The following LRCH2 variants were observed in gnomAD, a reference collection of about 807,000 sequenced individuals.
LRCH2 encodes the protein leucine-rich repeat and calponin homology domain-containing protein 2.
A neutral mutation model predicts 68.9 loss-of-function variants in LRCH2; 38 were observed. The ratio of observed to expected loss-of-function variants is 0.55; its 90% CI spans 0.43 to 0.72. The LOEUF (loss-of-function observed/expected upper bound fraction) is 0.72. Among genes scored for constraint, LRCH2 ranks in the 30% least tolerant of loss-of-function variants. The pLI is 0.00. For missense variants in LRCH2, 528 were observed against 572.9 expected (o/e 0.92, Z 0.80); for synonymous variants, 191 against 208.1 (o/e 0.92, Z 0.71).
intron 14 of LRCH2, among the ~76,000 whole-genome samples, chrX:115,143,688 T>C (rs1420389307): frequency 2.7e-5 from 3 of 111,109 alleles, no homozygotes; most frequent in Non-Finnish European, 5.7e-5. Flanking sequence ...AATAGAAAAC[T>C]ACAGGCCAAA....
intron 12 of LRCH2, among the ~76,000 whole-genome samples, chrX:115,152,331 T>TA (rs1438693417): frequency 8.9e-6 from 1 of 111,953 alleles, no homozygotes; most frequent in Admixed American, 9.6e-5. Flanking sequence ...GTATGTATAA[T>TA]AATACAATAT....
chrX:115,218,284 C>T (rs1398500902), intron 1 of LRCH2, among the ~76,000 whole-genome samples: 2 of 112,002 alleles, frequency 1.8e-5, no homozygotes, highest in Non-Finnish European at 3.8e-5. Flanking sequence ...GTATCTTAAC[C>T]ATGTCTAGTA....
intron 15 of LRCH2, among the ~76,000 whole-genome samples, chrX:115,129,014 G>T (rs2072221392): frequency 8.9e-6 from 1 of 112,123 alleles, no homozygotes; most frequent in Non-Finnish European, 1.9e-5. Flanking sequence ...GAAAAAGTGG[G>T]TTTAGAAGCA....
At chrX:115,130,982 A>G (rs1237642739) in intron 14 of LRCH2, among the ~76,000 whole-genome samples, 1 of 111,362 alleles carries the variant, frequency 9.0e-6, no homozygotes, top group East Asian at 2.8e-4. Flanking sequence ...ACAACTCATG[A>G]CTGCCCTGTT....
At chrX:115,176,441 T>C (rs1263306309) in intron 5 of LRCH2, among the ~76,000 whole-genome samples, 9 of 112,057 alleles carry the variant, frequency 8.0e-5, no homozygotes, top group African/African-American at 2.9e-4. Flanking sequence ...TCTTTTCATA[T>C]AGCTGTTGGC....
rs1556544085 is a variant in LRCH2 at position 115,165,399 on chromosome X, G to T, written c.1355+6C>A. On this transcript the variant is annotated splice_donor_region_variant and intron_variant, in intron 10 of 20. Transcript: ENST00000317135. ...TAAATAACATTTCATTTTCATATGT[G>T]CTTACCTTTTTTCATCTCCTAATTC... 1 of 1,106,675 alleles carries T rather than the reference G, an allele frequency of 9.0e-7. No homozygotes were observed. The highest frequency in any genetic ancestry group is 1.2e-6 in the Non-Finnish European group (1 of 824,501). 91.2% of individuals were successfully genotyped at this position (1,106,675 alleles called of 1,213,427 possible). A position where few individuals can be genotyped will look rare whatever the true frequency, so the allele number is the denominator to read the frequency against.
intron 15 of LRCH2, among the ~76,000 whole-genome samples, chrX:115,127,876 T>C (rs1357490348): frequency 9.0e-6 from 1 of 111,173 alleles, no homozygotes; most frequent in Non-Finnish European, 1.9e-5. Flanking sequence ...AAGAGCAAGT[T>C]GTGAATTAAG....
intron 1 of LRCH2, chrX:115,189,609 C>G (rs1556556208): frequency 8.5e-7 from 1 of 1,169,668 alleles, no homozygotes. Flanking sequence ...TCGTCACCTT[C>G]GAAAGCCCTG....
At chrX:115,136,908 T>C (rs1253921530) in intron 14 of LRCH2, among the ~76,000 whole-genome samples, 3 of 112,050 alleles carry the variant, frequency 2.7e-5, no homozygotes, top group Non-Finnish European at 5.6e-5. Flanking sequence ...TCTCACATTG[T>C]CTGATAATTA....
At chrX:115,159,631 G>T (rs1247593594) in intron 11 of LRCH2, among the ~76,000 whole-genome samples, 154 of 107,911 alleles carry the variant, frequency 1.4e-3, no homozygotes, top group Non-Finnish European at 2.5e-3. Flanking sequence ...GGCGCCTGTA[G>T]TCCCAGCTAC....
intron 12 of LRCH2, 67 bp downstream of exon 12, chrX:115,156,535 A>C (rs782197556): frequency 4.3e-6 from 3 of 692,437 alleles, no homozygotes; most frequent in Admixed American, 7.8e-5. Flanking sequence ...ATATACAAAA[A>C]CATCACTGTC....
At chrX:115,218,778 G>A (rs1030152525) in intron 1 of LRCH2, among the ~76,000 whole-genome samples, 5 of 111,940 alleles carry the variant, frequency 4.5e-5, no homozygotes, top group Admixed American at 3.8e-4. Flanking sequence ...ATTCTGTATC[G>A]GGGCTGTGAG....
chrX:115,158,112 T>C (rs2072490010), intron 11 of LRCH2, among the ~76,000 whole-genome samples: 1 of 111,837 alleles, frequency 8.9e-6, no homozygotes, highest in African/African-American at 3.2e-5. Context: ...TACTAGTACT[T>C]ATTTTAAGTA....
chrX:115,185,060 G>T (rs782205871), intron 2 of LRCH2, among the ~76,000 whole-genome samples: 2 of 112,426 alleles, frequency 1.8e-5, no homozygotes, highest in South Asian at 3.7e-4. Context: ...AAAACATGTA[G>T]TAACCCTAAC....
intron 5 of LRCH2, among the ~76,000 whole-genome samples, chrX:115,170,875 A>C (rs1432605713): frequency 2.7e-5 from 3 of 111,967 alleles, no homozygotes; most frequent in African/African-American, 9.7e-5. Context: ...GAAGGCTAAC[A>C]TAAAAAATAT....
At position 115,189,942 on chromosome X, in the gene LRCH2, G is replaced by C. The variant is rs62601528; in HGVS notation, c.350-1572C>G. ...GCCCACCCCACAAGAGGGCCACGCC[G>C]TCGAGCCTGGCTCACAGCGTTGGCT... is the stretch of plus-strand genomic sequence containing the variant. On this transcript the variant is annotated intron_variant, in intron 1 of 20. Transcript: ENST00000317135. 3.5e-5 allele frequency: 40 copies of C among 1,158,401 alleles called. 1 individual carries two copies. The East Asian group carries it at 1.2e-3, about 34-fold the overall frequency.
intron 2 of LRCH2, among the ~76,000 whole-genome samples, chrX:115,186,306 T>C (rs1376617979): frequency 9.5e-6 from 1 of 104,909 alleles, no homozygotes; most frequent in Non-Finnish European, 1.9e-5. Flanking sequence ...TGAGCCAAGA[T>C]GGTGCCACTC....
At position 115,191,905 on chromosome X, in the gene LRCH2, C is replaced by T. The variant is rs1556560428; in HGVS notation, c.350-3535G>A. 6.0e-6 allele frequency: 7 copies of T among 1,164,585 alleles called. No homozygotes were observed. The South Asian group carries it at 7.6e-5, about 13-fold the overall frequency. The stretch of plus-strand genomic sequence containing the variant: ...AGGAGGAGGCCGCTACGAGGAGAAC[C>T]GAGGTCACTCTCTCGATGCCAACAG... On this transcript the variant is annotated intron_variant, in intron 1 of 20. Coordinates refer to ENST00000317135, the MANE Select transcript of LRCH2 (RefSeq NM_020871.4).
intron 20 of LRCH2, among the ~76,000 whole-genome samples, chrX:115,117,319 C>T (rs184311288): frequency 9.0e-6 from 1 of 111,510 alleles, no homozygotes; most frequent in African/African-American, 3.2e-5. Context: ...TGTGGAGGAA[C>T]TGGAACTCTC....
Sources: gnomAD v4.1 joint callset for allele counts (sites outside exome capture counted in the v4.1 genomes callset) on GRCh38, gnomAD v4.1.1 for gene constraint, MANE v1.5 for transcripts, NCBI Gene and HGNC (gene_info 2026-07-23, HGNC 2026-07-21) for gene names.